PCDH11X: variants seen among roughly 807,000 people sequenced by gnomAD.
The protein encoded by PCDH11X is protocadherin 11 X-linked.
A neutral mutation model predicts 53.3 loss-of-function variants in PCDH11X; 18 were observed. That is an observed-to-expected ratio of 0.34 (90% CI 0.23 to 0.50). The LOEUF is 0.50. Ranked by LOEUF, PCDH11X falls within the 20% of genes least tolerant of loss-of-function variation. The pLI is 0.98. For missense variants in PCDH11X, 570 were observed against 1,032.4 expected, an observed-to-expected ratio of 0.55 and a Z score of 6.14; for synonymous variants, 279 against 393.3, an observed-to-expected ratio of 0.71 and a Z score of 3.44.
chrX:92,027,818 AC>A (rs2062990907), intron 6 of PCDH11X, among the ~76,000 whole-genome samples: 1 of 89,417 alleles, frequency 1.1e-5, no homozygotes, highest in African/African-American at 4.1e-5. Context: ...TGTGTACATG[AC>A]CATTGTCATG....
intron 10 of PCDH11X, among the ~76,000 whole-genome samples, chrX:92,566,393 A>G (rs957038806): frequency 1.1e-4 from 12 of 109,786 alleles, no homozygotes; most frequent in African/African-American, 4.0e-4. Flanking sequence ...GAGTTATCTT[A>G]ACCTCTTTTA....
intron 7 of PCDH11X, among the ~76,000 whole-genome samples, chrX:92,250,866 A>G (rs1438412894): frequency 9.1e-6 from 1 of 109,408 alleles, no homozygotes; most frequent in Non-Finnish European, 1.9e-5. Flanking sequence ...GAGGTGATAG[A>G]TCAAGGATAT....
At chrX:92,189,159 A>T (rs759663988) in intron 6 of PCDH11X, among the ~76,000 whole-genome samples, 247 of 111,035 alleles carry the variant, frequency 2.2e-3, no homozygotes, top group African/African-American at 8.0e-3. Context: ...TCAACCCATC[A>T]CCTAGTTATT....
chrX:91,976,696 T>C (rs1299671382), intron 6 of PCDH11X, among the ~76,000 whole-genome samples: 1 of 111,172 alleles, frequency 9.0e-6, no homozygotes, highest in Non-Finnish European at 1.9e-5. Flanking sequence ...ACTTGTTCAG[T>C]TAGCTTATTC....
rs1243653673 is a variant in PCDH11X, at chrX:92,466,891, G to A, written c.3344-1408G>A. ...GTCTTTAAAAATGAAAAGCACGTAC[G>A]TTATTACTTTTCTGTTTAAAGCAGT... On this transcript the variant is annotated intron_variant, in intron 9 of 10. Coordinates refer to ENST00000682573, the MANE Select transcript of PCDH11X (RefSeq NM_032968.5). Among the ~76,000 whole-genome samples, 4 of 109,018 alleles carry A rather than the reference G, an allele frequency of 3.7e-5. No individual in the cohort carries two copies. In the South Asian group the frequency reaches 1.2e-3, roughly 33 times the overall value. 94.7% of individuals were successfully genotyped at this position (109,018 alleles called of 115,157 possible).
chrX:91,814,680 A>C (rs1179389216), intron 4 of PCDH11X, among the ~76,000 whole-genome samples: 5 of 92,385 alleles, frequency 5.4e-5, no homozygotes, highest in African/African-American at 1.6e-4. Context: ...GCAAATGATT[A>C]TGTATTTATG....
intron 6 of PCDH11X, among the ~76,000 whole-genome samples, chrX:92,052,060 C>A (rs1451899214): frequency 9.1e-6 from 1 of 110,390 alleles, no homozygotes; most frequent in Admixed American, 9.7e-5. Flanking sequence ...TTTCATTATT[C>A]TCCCTAATTT....
At chrX:92,464,333 G>A (rs915094934) in intron 9 of PCDH11X, among the ~76,000 whole-genome samples, 6 of 110,902 alleles carry the variant, frequency 5.4e-5, no homozygotes, top group African/African-American at 2.0e-4. Flanking sequence ...CTGGTAGGAG[G>A]TAATTGAATC....
intron 6 of PCDH11X, among the ~76,000 whole-genome samples, chrX:92,014,190 A>T (rs1356639834): frequency 1.0e-5 from 1 of 95,270 alleles, no homozygotes; most frequent in Non-Finnish European, 2.3e-5. Flanking sequence ...TTTACAAGAA[A>T]AAAAACAAAC....
At chrX:91,995,785 G>A (rs2062406057) in intron 6 of PCDH11X, among the ~76,000 whole-genome samples, 1 of 110,612 alleles carries the variant, frequency 9.0e-6, no homozygotes, top group Non-Finnish European at 1.9e-5. Context: ...TCATAGACAT[G>A]GTAACACTAT....
intron 6 of PCDH11X, among the ~76,000 whole-genome samples, chrX:92,121,070 TTA>T (rs1014778962): frequency 1.7e-4 from 19 of 111,816 alleles, no homozygotes; most frequent in Non-Finnish European, 2.6e-4. Context: ...TGAAAATTAA[TTA>T]TGAGTTATGT....
intron 6 of PCDH11X, among the ~76,000 whole-genome samples, chrX:92,149,473 A>G (rs201689272): frequency 2.3e-4 from 20 of 86,289 alleles, no homozygotes; most frequent in African/African-American, 8.9e-4. Flanking sequence ...GTGTGTGTGT[A>G]TATATGTGTG....
intron 10 of PCDH11X, among the ~76,000 whole-genome samples, chrX:92,522,482 G>T (rs1395685465): frequency 9.0e-6 from 1 of 110,635 alleles, no homozygotes; most frequent in East Asian, 2.8e-4. Context: ...TAATGAAAAC[G>T]TTTGGAATAT....
At chrX:91,964,753 A>G (rs1270818363) in intron 6 of PCDH11X, among the ~76,000 whole-genome samples, 3 of 112,098 alleles carry the variant, frequency 2.7e-5, no homozygotes, top group Non-Finnish European at 5.6e-5. Context: ...GTTGTACTAG[A>G]GCATACTACA....
intron 5 of PCDH11X, among the ~76,000 whole-genome samples, chrX:91,871,860 T>C (rs1939330783): frequency 9.0e-6 from 1 of 111,236 alleles, no homozygotes; most frequent in South Asian, 3.7e-4. Context: ...CTAAAGTTTA[T>C]TTTTGAATTT....
rs778416349 is a variant in PCDH11X at position 91,983,516 on chromosome X, G to T, written c.3033+104243G>T. 1.4e-5 allele frequency: 7 copies of T among 509,119 alleles called. No individual in the cohort carries two copies. In the Admixed American group the frequency reaches 1.8e-4, roughly 13 times the overall value. The allele number at this position is 509,119 out of a possible 1,213,427, so 42.0% of individuals were successfully genotyped here. On this transcript the variant is annotated intron_variant, in intron 6 of 10. Coordinates refer to ENST00000682573, the MANE Select transcript of PCDH11X (RefSeq NM_032968.5). ...GGGTGGCACAGCCATCTTATGCTTA[G>T]AGGTGGTGGCAGTGGGCTAGGAGGC... is the stretch of plus-strand genomic sequence containing the variant.
At chrX:92,290,516 C>T (rs982707474) in intron 8 of PCDH11X, among the ~76,000 whole-genome samples, 8 of 112,391 alleles carry the variant, frequency 7.1e-5, no homozygotes, top group African/African-American at 2.6e-4. Context: ...AGAAACATAT[C>T]AGCGTGTTGA....
intron 10 of PCDH11X, among the ~76,000 whole-genome samples, chrX:92,568,888 G>T (rs1324817373): frequency 3.6e-5 from 4 of 111,300 alleles, no homozygotes; most frequent in African/African-American, 1.3e-4. Flanking sequence ...CCAGTCTGAA[G>T]CAATGTAAAA....
intron 6 of PCDH11X, among the ~76,000 whole-genome samples, chrX:92,162,109 T>C (rs2065654120): frequency 1.1e-5 from 1 of 92,167 alleles, no homozygotes; most frequent in Admixed American, 1.2e-4. Context: ...TTTGTCATAT[T>C]ATGAGAATTA....
Sources: gnomAD v4.1 joint callset for allele counts (sites outside exome capture counted in the v4.1 genomes callset) on GRCh38, gnomAD v4.1.1 for gene constraint, MANE v1.5 for transcripts, NCBI Gene and HGNC (gene_info 2026-07-23, HGNC 2026-07-21) for gene names.